The following ADAM9 variants were observed in gnomAD, a reference collection of about 807,000 sequenced individuals.
ADAM9 encodes the protein ADAM metallopeptidase domain 9.
In ADAM9, 54 loss-of-function variants were observed where a neutral mutation model predicts 108.1. The observed-to-expected ratio is 0.50, with a 90% CI of 0.40 to 0.63. The LOEUF (loss-of-function observed/expected upper bound fraction) is 0.63, where lower values mean the gene tolerates loss of function less well. Ranked by LOEUF, ADAM9 falls within the 20% of genes least tolerant of loss-of-function variation. ADAM9 has a pLI of 0.00. For synonymous variants in ADAM9, 316 were observed against 336.0 expected, an observed-to-expected ratio of 0.94 and a Z score of 0.65; for missense variants, 830 against 997.7, an observed-to-expected ratio of 0.83 and a Z score of 2.26.
At chr8:39,079,707 C>T (rs1335853430) in intron 16 of ADAM9, among the ~76,000 whole-genome samples, 2 of 151,822 alleles carry the variant, frequency 1.3e-5, no homozygotes, top group African/African-American at 4.8e-5. Context: ...GCCTCAGCCT[C>T]CCCAGTAGCT....
chr8:39,058,393 C>T (rs1038985211), intron 14 of ADAM9, among the ~76,000 whole-genome samples: 1 of 152,196 alleles, frequency 6.6e-6, no homozygotes, highest in African/African-American at 2.4e-5. Flanking sequence ...TGGTTCTTTA[C>T]CTGTTAGGGT....
chr8:39,050,571 G>C (rs548402797), intron 12 of ADAM9, among the ~76,000 whole-genome samples: 1 of 151,540 alleles, frequency 6.6e-6, no homozygotes, highest in African/African-American at 2.4e-5. Flanking sequence ...CCATTAAGTT[G>C]GTGTATTCTT....
chr8:39,079,089 A>G (rs578249024), intron 16 of ADAM9, among the ~76,000 whole-genome samples: 4 of 152,334 alleles, frequency 2.6e-5, no homozygotes, highest in African/African-American at 9.6e-5. Flanking sequence ...AGCATGTAAC[A>G]TGACTTAAGT....
At chr8:39,021,347 A>G (rs1588343053) in intron 7 of ADAM9, among the ~76,000 whole-genome samples, 2 of 151,738 alleles carry the variant, frequency 1.3e-5, no homozygotes, top group South Asian at 4.2e-4. Flanking sequence ...AAATGGCGGG[A>G]TCTTGGCTCA....
At chr8:39,018,505 AT>A in intron 6 of ADAM9, 1 of 274,892 alleles carries the variant, frequency 3.6e-6, no homozygotes, top group South Asian at 4.4e-5. Context: ...TGTAGTTTTG[AT>A]TTTAGAAAAT....
chr8:39,048,855 C>T (rs912643368), intron 12 of ADAM9, among the ~76,000 whole-genome samples: 3 of 151,780 alleles, frequency 2.0e-5, no homozygotes, highest in African/African-American at 7.3e-5. Flanking sequence ...ACAATTCTGA[C>T]ATAGAGTCTC....
intron 14 of ADAM9, among the ~76,000 whole-genome samples, chr8:39,056,892 G>A (rs940129603): frequency 6.6e-6 from 1 of 152,080 alleles, no homozygotes; most frequent in African/African-American, 2.4e-5. Flanking sequence ...CTAGAGAAAT[G>A]GAACCATTGT....
Position 39,045,224 on chromosome 8 carries a change from ATG to A in ADAM9, c.1302+3111_1302+3112del, listed in dbSNP as rs1554578980. On this transcript the variant is annotated intron_variant, in intron 12 of 21. Coordinates refer to ENST00000487273, the MANE Select transcript of ADAM9 (RefSeq NM_003816.3). The stretch of plus-strand genomic sequence containing the variant: ...TGTATATATGTGTATACATACATAT[ATG>A]TGTATATATGTGTATACATACATAT... Among the ~76,000 whole-genome samples the A allele has an allele frequency of 1.5e-5, 2 of 134,500 alleles. 1 individual carries two copies. The highest frequency in any genetic ancestry group is 3.3e-5 in the Non-Finnish European group (2 of 61,222). 88.2% of individuals were successfully genotyped at this position (134,500 alleles called of 152,430 possible). A position where few individuals can be genotyped will look rare whatever the true frequency, so the allele number is the denominator to read the frequency against.
chr8:39,007,656 CTG>C (rs1564223866), intron 1 of ADAM9, among the ~76,000 whole-genome samples: 1 of 152,214 alleles, frequency 6.6e-6, no homozygotes, highest in East Asian at 1.9e-4. Context: ...TGGATAAAGA[CTG>C]ATATTCTTTT....
At chr8:39,015,403 ATTATC>A (rs1277739327) in intron 4 of ADAM9, 5 of 152,200 alleles carry the variant, frequency 3.3e-5, no homozygotes, top group Non-Finnish European at 5.9e-5. Flanking sequence ...TTATGTAACT[ATTATC>A]TTATATAATA....
intron 12 of ADAM9, among the ~76,000 whole-genome samples, chr8:39,052,997 G>C (rs995324885): frequency 6.6e-6 from 1 of 151,988 alleles, no homozygotes; most frequent in Non-Finnish European, 1.5e-5. Flanking sequence ...CCAATACTTC[G>C]TGTGGTCAGT....
chr8:39,010,233 G>A (rs978657514), intron 2 of ADAM9, among the ~76,000 whole-genome samples: 10 of 152,216 alleles, frequency 6.6e-5, no homozygotes, highest in Admixed American at 6.5e-4. Context: ...TTTCTTTTTA[G>A]TAGACATAGC....
intron 11 of ADAM9, among the ~76,000 whole-genome samples, chr8:39,027,694 G>A (rs1165812965): frequency 6.6e-6 from 1 of 152,186 alleles, no homozygotes; most frequent in African/African-American, 2.4e-5. Context: ...AATTTAGAAG[G>A]CAGGAGTCCT....
rs1430449557 is a variant in ADAM9, at chr8:39,104,447, A to G, written c.*747A>G. On this transcript the variant is annotated 3_prime_UTR_variant, in exon 22 of 22. Coordinates refer to ENST00000487273, the MANE Select transcript of ADAM9 (RefSeq NM_003816.3). The stretch of plus-strand genomic sequence containing the variant: ...TGTGAAAGCATGACATTCGTTCACA[A>G]TAGCACTATTTTAAATAAATTATAA... The G allele has an allele frequency of 4.8e-6, 2 of 413,804 alleles. No individual in the cohort carries two copies. Among genetic ancestry groups the G allele is most frequent in the Admixed American group, 2.8e-5 (1 of 35,762 alleles). The allele number at this position is 413,804 out of a possible 1,614,324, so 25.6% of individuals were successfully genotyped here. A position where few individuals can be genotyped will look rare whatever the true frequency, so the allele number is the denominator to read the frequency against.
intron 9 of ADAM9, among the ~76,000 whole-genome samples, chr8:39,024,899 T>C (rs1459286360): frequency 6.6e-6 from 1 of 152,218 alleles, no homozygotes; most frequent in Non-Finnish European, 1.5e-5. Flanking sequence ...AAAACAGTGT[T>C]ATTCACTGTT....
rs527993628 is a variant in ADAM9, at chr8:39,027,912, A to G, written c.1130+1102A>G. ...GGTGAGACCCTGTCTCTAAAAAAAA[A>G]TAAATAAATAAATAAAAAATAAAAT... On this transcript the variant is annotated intron_variant, in intron 11 of 21. Coordinates refer to ENST00000487273, the MANE Select transcript of ADAM9 (RefSeq NM_003816.3). 4.1e-4 allele frequency among the ~76,000 whole-genome samples: 63 copies of G among 152,032 alleles called. 1 individual carries two copies. The highest frequency in any genetic ancestry group is 4.3e-4 in the Non-Finnish European group (29 of 68,012).
At chr8:39,087,314 A>G (rs1839208408) in intron 18 of ADAM9, among the ~76,000 whole-genome samples, 1 of 151,838 alleles carries the variant, frequency 6.6e-6, no homozygotes, top group Non-Finnish European at 1.5e-5. Flanking sequence ...CTGTTGTTTC[A>G]TATATTATGT....
rs747564479 is a variant in ADAM9 at position 39,025,869 on chromosome 8, A to G, written c.981A>G (p.Ala327=). ...GAACAGTGTGTTCAAGGAGCCACGC[A>G]GGCGGGATTAATGTGGTACGTTGTT... is the stretch of plus-strand genomic sequence containing the variant. The part of the protein sequence containing the change: ...FVGTVCSRSH[A]GGINVFGQIT... Residue 327 remains alanine (A), a synonymous_variant, in exon 10 of 22, where the codon GCA becomes GCG. Transcript: ENST00000487273. 1 of 1,614,174 alleles carries G rather than the reference A, an allele frequency of 6.2e-7. No homozygotes were observed. The highest frequency in any genetic ancestry group is 1.1e-5 in the South Asian group (1 of 91,082).
At chr8:39,074,312 G>C (rs543766319) in intron 15 of ADAM9, among the ~76,000 whole-genome samples, 5 of 151,960 alleles carry the variant, frequency 3.3e-5, no homozygotes, top group African/African-American at 1.2e-4. Flanking sequence ...CACTAAAAGG[G>C]TTATCTTTTA....
Sources: allele counts gnomAD v4.1 joint callset (sites outside exome capture counted in the v4.1 genomes callset), GRCh38; gene constraint gnomAD v4.1.1; transcripts MANE v1.5; gene names NCBI Gene and HGNC (gene_info 2026-07-23, HGNC 2026-07-21).